The following RPTOR variants were observed in gnomAD, a reference collection of about 807,000 sequenced individuals.
RPTOR encodes the protein regulatory associated protein of MTOR complex 1, also known as regulatory-associated protein of mTOR.
Under a neutral mutation model 169.9 loss-of-function variants are expected in RPTOR, and 21 were observed. The observed-to-expected ratio is 0.12, with a 90% confidence interval of 0.09 to 0.18. The LOEUF (loss-of-function observed/expected upper bound fraction) is 0.18. RPTOR is among the 10% of genes least tolerant of loss of function. The pLI is 1.00. For synonymous variants in RPTOR, 732 were observed against 753.2 expected (o/e 0.97, Z 0.46); for missense variants, 1,133 against 1,855.9 (o/e 0.61, Z 7.16).
At position 80,659,748 on chromosome 17, in the gene RPTOR, G is replaced by GC. The variant is rs1463034378; in HGVS notation, c.348+15942dup. Among the ~76,000 whole-genome samples, 1 of 151,992 alleles carries GC rather than the reference G, an allele frequency of 6.6e-6. No individual in the cohort carries two copies. Among genetic ancestry groups the GC allele is most frequent in the African/African-American group, 2.4e-5 (1 of 41,390 alleles). ...TCTCAACCTCTTGACCTCGTGATCC[G>GC]CCCCTTGGTCTCCCAAAGTGCTGAG... On this transcript the variant is annotated intron_variant, in intron 3 of 33. Coordinates refer to ENST00000306801, the MANE Select transcript of RPTOR (RefSeq NM_020761.3). This position sits in a 1 kb window ranked among gnomAD's most constrained non-coding sequence, Gnocchi z 4.3.
At chr17:80,841,743 T>TCACCACA (rs2067665601) in intron 10 of RPTOR, among the ~76,000 whole-genome samples, 1 of 128,498 alleles carries the variant, frequency 7.8e-6, no homozygotes. Flanking sequence ...CAGCTCACTC[T>TCACCACA]CCCCGCACGG....
intron 1 of RPTOR, among the ~76,000 whole-genome samples, chr17:80,572,932 A>G (rs1402869375): frequency 6.6e-6 from 1 of 152,052 alleles, no homozygotes; most frequent in African/African-American, 2.4e-5. Context: ...TTATCTGTTA[A>G]GGCTTTATGC....
intron 3 of RPTOR, among the ~76,000 whole-genome samples, chr17:80,658,117 A>C (rs1356095114): frequency 2.6e-5 from 4 of 152,190 alleles, no homozygotes; most frequent in Admixed American, 6.5e-5. Context: ...GCATGGTGTC[A>C]ACATCATGGG....
chr17:80,561,728 A>T (rs1347027197), intron 1 of RPTOR, among the ~76,000 whole-genome samples: 1 of 152,226 alleles, frequency 6.6e-6, no homozygotes, highest in East Asian at 1.9e-4. Flanking sequence ...CACCGCACCC[A>T]GCCCAGGATG....
chr17:80,697,273 A>T (rs1028625468), intron 3 of RPTOR, among the ~76,000 whole-genome samples: 2 of 152,228 alleles, frequency 1.3e-5, no homozygotes. Flanking sequence ...TGTAGGTAGT[A>T]TTGGAAAAGG....
intron 24 of RPTOR, among the ~76,000 whole-genome samples, chr17:80,937,575 T>C (rs1005144777): frequency 2.0e-5 from 3 of 152,194 alleles, no homozygotes; most frequent in African/African-American, 7.2e-5. Context: ...TACAGGAGTG[T>C]CAAGATCCTC....
At position 80,822,193 on chromosome 17, in the gene RPTOR, T is replaced by C. The variant is rs1266069830; in HGVS notation, c.891-8T>C. ...GCATCACTCATGAGAACGCCCCTTGTTTTCTAGGATCCCTGGCCGCCTGAA... is the reference window on the plus strand; with the variant it reads ...GCATCACTCATGAGAACGCCCCTTGCTTTCTAGGATCCCTGGCCGCCTGAA... On this transcript the variant is annotated splice_region_variant and splice_polypyrimidine_tract_variant and intron_variant, in intron 7 of 33. Transcript: ENST00000306801. The C allele has an allele frequency of 6.2e-7, 1 of 1,613,672 alleles. No individual in the cohort carries two copies. The highest frequency in any genetic ancestry group is 8.5e-7 in the Non-Finnish European group (1 of 1,179,778).
intron 23 of RPTOR, among the ~76,000 whole-genome samples, chr17:80,925,119 CG>C (rs557501334): frequency 3.3e-4 from 50 of 151,906 alleles, no homozygotes; most frequent in Non-Finnish European, 5.1e-4. Context: ...TGTGCTGGGT[CG>C]GCCCTGGGGA....
intron 1 of RPTOR, among the ~76,000 whole-genome samples, chr17:80,572,340 G>A (rs1215373931): frequency 1.3e-5 from 2 of 152,012 alleles, no homozygotes; most frequent in East Asian, 3.9e-4. Flanking sequence ...TGGGACAAAT[G>A]AGCATTCTTA....
chr17:80,709,532 G>A (rs1421910920), intron 4 of RPTOR, among the ~76,000 whole-genome samples: 2 of 152,230 alleles, frequency 1.3e-5, no homozygotes, highest in East Asian at 1.9e-4. Flanking sequence ...TCATGCCACC[G>A]ACCCCAGGGG....
Position 80,965,001 on chromosome 17 carries a change from C to T in RPTOR, c.*671C>T, listed in dbSNP as rs2069407548. ...AGCAGGAAGCGCACAGCCCACCCTC[C>T]CCGCACCTCCAGGTCTCTGGACTCC... is the stretch of plus-strand genomic sequence containing the variant. On this transcript the variant is annotated 3_prime_UTR_variant, in exon 34 of 34. Transcript: ENST00000306801. 8.6e-6 allele frequency: 2 copies of T among 233,384 alleles called. No individual in the cohort carries two copies. Among genetic ancestry groups the T allele is most frequent in the South Asian group, 1.8e-4 (1 of 5,538 alleles). The allele number at this position is 233,384 out of a possible 1,614,324, so 14.5% of individuals were successfully genotyped here.
intron 4 of RPTOR, among the ~76,000 whole-genome samples, chr17:80,723,895 C>G (rs771456228): frequency 6.6e-6 from 1 of 151,368 alleles, no homozygotes; most frequent in African/African-American, 2.5e-5. Flanking sequence ...CTAGCTTTCT[C>G]TGTAATACAA....
chr17:80,634,982 G>A lies in RPTOR; in HGVS notation c.266-8746G>A, dbSNP rs570377383. On this transcript the variant is annotated intron_variant, in intron 2 of 33. Transcript: ENST00000306801. The stretch of plus-strand genomic sequence containing the variant: ...TCTCTCTGTACACATTTGTCTCAGC[G>A]TTTCTGTACCTCTCTACATGTACAT... 1.2e-4 allele frequency among the ~76,000 whole-genome samples: 18 copies of A among 152,306 alleles called. 1 individual carries two copies. Among genetic ancestry groups the A allele is most frequent in the Non-Finnish European group, 1.8e-4 (12 of 68,024 alleles).
In RPTOR at chr17:80,844,995, ATTC is replaced by A. The variant is rs1345059830; in HGVS notation, c.1213-1475_1213-1473del. On this transcript the variant is annotated intron_variant, in intron 10 of 33. Transcript: ENST00000306801. The surrounding 1 kb of genome is among the most constrained non-coding windows in gnomAD (Gnocchi z 4.7). ...GTAGTTGTTTTTTTTTTTTTCTTTA[ATTC>A]TTTGTATCGGGGGCTCAGGGAAGGC... is the stretch of plus-strand genomic sequence containing the variant. 1.1e-4 allele frequency among the ~76,000 whole-genome samples: 16 copies of A among 143,376 alleles called. No homozygotes were observed. Among genetic ancestry groups the A allele is most frequent in the Admixed American group, 3.4e-4 (5 of 14,574 alleles). The allele number at this position is 143,376 out of a possible 152,430, so 94.1% of individuals were successfully genotyped here. A position where few individuals can be genotyped will look rare whatever the true frequency, so the allele number is the denominator to read the frequency against.
At chr17:80,928,375 C>T (rs535053548) in intron 24 of RPTOR, among the ~76,000 whole-genome samples, 2 of 152,266 alleles carry the variant, frequency 1.3e-5, no homozygotes, top group African/African-American at 4.8e-5. Context: ...TAGCCTGCTT[C>T]ACATGTAAAC....
intron 13 of RPTOR, among the ~76,000 whole-genome samples, chr17:80,871,939 G>A (rs1297307238): frequency 6.6e-6 from 1 of 152,056 alleles, no homozygotes; most frequent in African/African-American, 2.4e-5. Context: ...CCCTTCAGGA[G>A]TAGTCAGGAA....
At position 80,754,327 on chromosome 17, in the gene RPTOR, A is replaced by G. The variant is rs2066658955; in HGVS notation, c.830+142A>G. 1 of 818,474 alleles carries G rather than the reference A, an allele frequency of 1.2e-6. No homozygotes were observed. The highest frequency in any genetic ancestry group is 2.6e-5 in the Admixed American group (1 of 39,074). 50.7% of individuals were successfully genotyped at this position (818,474 alleles called of 1,614,324 possible). On this transcript the variant is annotated intron_variant, in intron 6 of 33. Transcript: ENST00000306801. The surrounding 1 kb of genome is among the most constrained non-coding windows in gnomAD (Gnocchi z 4.2). The stretch of plus-strand genomic sequence containing the variant: ...AGTGTCCCCGCCTTCTTTTTGTGTC[A>G]TTCGGGATTCCAGGTGGAGGTTTGG...
At chr17:80,574,158 CTTT>C (rs554064785) in intron 1 of RPTOR, among the ~76,000 whole-genome samples, 3 of 129,308 alleles carry the variant, frequency 2.3e-5, no homozygotes, top group Non-Finnish European at 4.9e-5. Context: ...TTTCTTTTTT[CTTT>C]TTTTTTTTTT....
chr17:80,647,880 C>CCA (rs2065609432), intron 3 of RPTOR, among the ~76,000 whole-genome samples: 1 of 152,162 alleles, frequency 6.6e-6, no homozygotes, highest in Admixed American at 6.5e-5. Context: ...ATGTGGTGGA[C>CCA]AGTTCTTACT....
Sources: gnomAD v4.1 joint callset for allele counts (sites outside exome capture counted in the v4.1 genomes callset) on GRCh38, gnomAD v4.1.1 for gene constraint, Gnocchi (gnomAD v3.1) non-coding constraint, MANE v1.5 for transcripts, NCBI Gene and HGNC (gene_info 2026-07-23, HGNC 2026-07-21) for gene names.